The following DISC1 variants were observed in gnomAD, a reference collection of about 807,000 sequenced individuals.
DISC1 encodes disrupted in schizophrenia 1 protein.
A neutral mutation model predicts 84.5 loss-of-function variants in DISC1; 57 were observed. The ratio of observed to expected loss-of-function variants is 0.67; its 90% CI spans 0.55 to 0.84. The LOEUF (loss-of-function observed/expected upper bound fraction) is 0.84. Among genes scored for constraint, DISC1 ranks in the 40% least tolerant of loss-of-function variants. The pLI, the probability that DISC1 is intolerant of heterozygous loss-of-function variation, is 0.00. For synonymous variants in DISC1, 411 were observed against 415.2 expected, an observed-to-expected ratio of 0.99 and a Z score of 0.12; for missense variants, 1,000 against 1,057.8, an observed-to-expected ratio of 0.95 and a Z score of 0.76.
intron 3 of DISC1, among the ~76,000 whole-genome samples, chr1:231,716,635 A>G (rs896487017): frequency 3.3e-5 from 5 of 152,224 alleles, no homozygotes; most frequent in African/African-American, 1.2e-4. Flanking sequence ...TACATGGAAT[A>G]CTAAAGACAA....
chr1:231,770,336 C>T (rs2076458067), intron 5 of DISC1, among the ~76,000 whole-genome samples: 1 of 152,102 alleles, frequency 6.6e-6, no homozygotes, highest in Admixed American at 6.5e-5. Context: ...GCACCATCTG[C>T]AGCATCTCAT....
At chr1:231,873,990 G>A (rs2085661322) in intron 9 of DISC1, among the ~76,000 whole-genome samples, 1 of 151,794 alleles carries the variant, frequency 6.6e-6, no homozygotes, top group South Asian at 2.1e-4. Flanking sequence ...TGGGACTACA[G>A]GCATGCACCA....
At chr1:231,676,063 G>T (rs1027590220) in intron 1 of DISC1, among the ~76,000 whole-genome samples, 3 of 151,992 alleles carry the variant, frequency 2.0e-5, no homozygotes, top group African/African-American at 7.2e-5. Context: ...TGGTCAGGCC[G>T]GTCTCAAACT....
At chr1:231,735,389 G>A (rs2072345487) in intron 3 of DISC1, among the ~76,000 whole-genome samples, 1 of 152,080 alleles carries the variant, frequency 6.6e-6, no homozygotes, top group Admixed American at 6.5e-5. Flanking sequence ...GTTTGTTTCT[G>A]TTGGCTACTG....
rs1430576330 is a variant in DISC1, at chr1:231,869,293, G to A, written c.1981+50776G>A. Reference sequence around the variant, plus strand: ...TTTACAGACACTTAACTCAGGAACAGACTTGCTGGTTGTCTTGAGTGTGAA... The same window carrying A: ...TTTACAGACACTTAACTCAGGAACAAACTTGCTGGTTGTCTTGAGTGTGAA... On this transcript the variant is annotated intron_variant, in intron 9 of 12. Coordinates refer to ENST00000439617, the MANE Select transcript of DISC1 (RefSeq NM_018662.3). 2.6e-5 allele frequency among the ~76,000 whole-genome samples: 4 copies of A among 152,170 alleles called. No individual in the cohort carries two copies. The East Asian group carries it at 7.7e-4, about 29-fold the overall frequency.
intron 12 of DISC1, among the ~76,000 whole-genome samples, chr1:232,030,973 C>T (rs1008816472): frequency 6.6e-5 from 10 of 151,912 alleles, no homozygotes; most frequent in South Asian, 2.1e-4. Flanking sequence ...ATTAACTGGG[C>T]GTGATGGTGC....
At chr1:231,646,567 T>G (rs2060153375) in intron 1 of DISC1, among the ~76,000 whole-genome samples, 1 of 152,178 alleles carries the variant, frequency 6.6e-6, no homozygotes, top group Non-Finnish European at 1.5e-5. Flanking sequence ...GCAATTTAGA[T>G]CGCTGGGTCA....
At chr1:231,927,822 G>A (rs561797477) in intron 9 of DISC1, among the ~76,000 whole-genome samples, 119 of 152,254 alleles carry the variant, frequency 7.8e-4, no homozygotes, top group African/African-American at 2.7e-3. Context: ...GGACCTTTTC[G>A]GAGCAGGCTC....
intron 1 of DISC1, among the ~76,000 whole-genome samples, chr1:231,668,194 C>A (rs555180241): frequency 6.6e-6 from 1 of 152,188 alleles, no homozygotes; most frequent in Non-Finnish European, 1.5e-5. Context: ...CCCAAAGTTT[C>A]TTCTTTATTA....
chr1:231,899,438 A>G (rs17770286), intron 9 of DISC1, among the ~76,000 whole-genome samples: 11,621 of 152,176 alleles, frequency 0.076, 630 homozygotes, highest in Non-Finnish European at 0.11. Flanking sequence ...GGTTCTATAC[A>G]TTGGCCCCTT....
rs1339140701 is a variant in DISC1, at chr1:231,698,423, G to A, written c.1048-3532G>A. Among the ~76,000 whole-genome samples, 1 of 152,190 alleles carries A rather than the reference G, an allele frequency of 6.6e-6. No homozygotes were observed. Among genetic ancestry groups the A allele is most frequent in the Non-Finnish European group, 1.5e-5 (1 of 68,028 alleles). ...CCAGGCATGCAGAGGAGGGGAAGTG[G>A]AGTGGGCCCTGCAAGGTAGGCTCCA... On this transcript the variant is annotated intron_variant, in intron 2 of 12. Transcript: ENST00000439617. The surrounding 1 kb of genome is among the most constrained non-coding windows in gnomAD (Gnocchi z 4.9).
chr1:231,733,500 G>C (rs998441713), intron 3 of DISC1, among the ~76,000 whole-genome samples: 1 of 146,938 alleles, frequency 6.8e-6, no homozygotes, highest in African/African-American at 2.5e-5. Flanking sequence ...TGGCAGTGCT[G>C]GTGATGGTGA....
chr1:231,656,944 A>C (rs1442223926), intron 1 of DISC1, among the ~76,000 whole-genome samples: 1 of 152,182 alleles, frequency 6.6e-6, no homozygotes, highest in African/African-American at 2.4e-5. Context: ...GACTCCATCC[A>C]TATCCCTGCA....
chr1:232,032,980 TA>T (rs1255235008), intron 12 of DISC1, among the ~76,000 whole-genome samples: 1 of 152,214 alleles, frequency 6.6e-6, no homozygotes, highest in Non-Finnish European at 1.5e-5. Flanking sequence ...TATTTTTCTG[TA>T]AGTCAGTGAG....
chr1:232,020,274 A>G (rs2806457), intron 11 of DISC1, among the ~76,000 whole-genome samples: 110,626 of 151,934 alleles, frequency 0.73, 40,490 homozygotes, highest in East Asian at 0.89. Flanking sequence ...CCCAGGAGGC[A>G]GAGGTCGCAG....
intron 8 of DISC1, 89 bp downstream of exon 8, chr1:231,800,299 C>T: frequency 9.8e-7 from 1 of 1,022,178 alleles, no homozygotes; most frequent in Non-Finnish European, 1.5e-6. Flanking sequence ...ATGAACATTC[C>T]ACTGTTATTA....
intron 3 of DISC1, chr1:231,722,580 T>G: frequency 6.2e-7 from 1 of 1,614,158 alleles, no homozygotes; most frequent in Non-Finnish European, 8.5e-7. Context: ...AGCCTCGACA[T>G]CCTGAACCAA....
chr1:231,973,744 TACAA>T (rs1390895725), intron 10 of DISC1, among the ~76,000 whole-genome samples: 1 of 152,244 alleles, frequency 6.6e-6, no homozygotes, highest in Non-Finnish European at 1.5e-5. Context: ...TTTTTAAATT[TACAA>T]ACAAAGATTG....
intron 9 of DISC1, among the ~76,000 whole-genome samples, chr1:231,868,094 TA>T (rs1354016919): frequency 6.6e-6 from 1 of 152,160 alleles, no homozygotes; most frequent in African/African-American, 2.4e-5. Context: ...CTCAGAGGCA[TA>T]AAAAAATAAA....
Sources: allele counts gnomAD v4.1 joint callset (sites outside exome capture counted in the v4.1 genomes callset), GRCh38; gene constraint gnomAD v4.1.1; non-coding constraint Gnocchi (gnomAD v3.1); transcripts MANE v1.5; gene names NCBI Gene and HGNC (gene_info 2026-07-23, HGNC 2026-07-21).